Variants in RNF217 observed in about 807,000 individuals in gnomAD.
RNF217 encodes E3 ubiquitin-protein ligase RNF217.
In RNF217, 31 loss-of-function variants were observed where a neutral mutation model predicts 57.8. The ratio of observed to expected loss-of-function variants is 0.54; its 90% CI spans 0.40 to 0.72. The LOEUF (loss-of-function observed/expected upper bound fraction) is 0.72, where lower values mean the gene tolerates loss of function less well. RNF217 is among the 30% of genes least tolerant of loss of function. The pLI, the probability that RNF217 is intolerant of heterozygous loss-of-function variation, is 0.00. For synonymous variants in RNF217, 313 were observed against 294.0 expected, an observed-to-expected ratio of 1.06 and a Z score of -0.66; for missense variants, 696 against 708.3, an observed-to-expected ratio of 0.98 and a Z score of 0.20.
chr6:125,039,477 T>C (rs1248096143), intron 1 of RNF217, among the ~76,000 whole-genome samples: 1 of 152,138 alleles, frequency 6.6e-6, no homozygotes, highest in African/African-American at 2.4e-5. Context: ...ACAAAGAGAC[T>C]TAGACTCTCA....
chr6:125,030,638 C>T (rs1171284655), intron 1 of RNF217, among the ~76,000 whole-genome samples: 3 of 152,324 alleles, frequency 2.0e-5, no homozygotes, highest in Middle Eastern at 3.4e-3. Flanking sequence ...ATCCAGGTCA[C>T]GCTGATGCAA....
chr6:124,978,428 AG>A (rs1312238340), intron 1 of RNF217, among the ~76,000 whole-genome samples: 1 of 151,120 alleles, frequency 6.6e-6, no homozygotes, highest in Non-Finnish European at 1.5e-5. Context: ...CTTGGGTGCC[AG>A]CAACTAGATG....
chr6:125,058,175 A>T, intron 3 of RNF217, 69 bp downstream of exon 3: 1 of 1,333,458 alleles, frequency 7.5e-7, no homozygotes, highest in Non-Finnish European at 1.0e-6. Context: ...TATTTACATT[A>T]TTGAAGGGAA....
chr6:125,073,723 A>G (rs1264687505), intron 3 of RNF217, among the ~76,000 whole-genome samples: 2 of 152,068 alleles, frequency 1.3e-5, no homozygotes, highest in Non-Finnish European at 2.9e-5. Context: ...CCATATGAAG[A>G]AGTAAGAAAG....
Position 125,072,115 on chromosome 6 carries a change from A to G in RNF217, c.1282-4542A>G, listed in dbSNP as rs76384386. Among the ~76,000 whole-genome samples the G allele has an allele frequency of 2.8e-3, 428 of 152,332 alleles. 1 individual carries two copies. Among genetic ancestry groups the G allele is most frequent in the Middle Eastern group, 0.01 (3 of 292 alleles). ...AGGTGTACTTGGGGAATTCATCAGC[A>G]TAAGAAATGTATTATCCCCTGGTAG... is the stretch of plus-strand genomic sequence containing the variant. On this transcript the variant is annotated intron_variant, in intron 3 of 5. Coordinates refer to ENST00000521654, the MANE Select transcript of RNF217 (RefSeq NM_001286398.3).
intron 3 of RNF217, among the ~76,000 whole-genome samples, chr6:125,068,043 A>T (rs1788001771): frequency 6.6e-6 from 1 of 152,160 alleles, no homozygotes; most frequent in African/African-American, 2.4e-5. Flanking sequence ...TATTTTGCAG[A>T]TGGGGGTCAT....
chr6:125,024,058 G>T (rs971353831), intron 1 of RNF217, among the ~76,000 whole-genome samples: 7 of 152,162 alleles, frequency 4.6e-5, no homozygotes, highest in African/African-American at 1.7e-4. Flanking sequence ...AAATTGCCAA[G>T]AGAGTAGATT....
intron 5 of RNF217, 43 bp downstream of exon 5, chr6:125,081,550 G>T (rs183896293): frequency 1.4e-6 from 2 of 1,460,600 alleles, no homozygotes; most frequent in Non-Finnish European, 1.9e-6. Context: ...TTATCTGAGG[G>T]CCATAGAGAG....
intron 2 of RNF217, among the ~76,000 whole-genome samples, chr6:125,051,205 C>G (rs1459244192): frequency 6.6e-6 from 1 of 151,892 alleles, no homozygotes; most frequent in Admixed American, 6.6e-5. Context: ...AAAAAACAAA[C>G]TATAGTAATA....
chr6:125,087,422 A>T lies in RNF217; in HGVS notation c.*4485A>T, dbSNP rs1228853092. 1 of 152,140 alleles carries T rather than the reference A, an allele frequency of 6.6e-6. No individual in the cohort carries two copies. The highest frequency in any genetic ancestry group is 6.6e-5 in the Admixed American group (1 of 15,256). 9.4% of individuals were successfully genotyped at this position (152,140 alleles called of 1,614,324 possible). On this transcript the variant is annotated 3_prime_UTR_variant, in exon 6 of 6. Transcript: ENST00000521654. ...GCTGAAATCTCTCCCAACTATTGAG[A>T]GTGATCTTTCCCATGGTCTGCTTTA...
At chr6:125,045,118 G>A (rs1264590097) in intron 1 of RNF217, 93 bp from the exon 2 acceptor site, 3 of 740,266 alleles carry the variant, frequency 4.1e-6, no homozygotes, top group Non-Finnish European at 6.8e-6. Flanking sequence ...CTTTATTGCG[G>A]TCATGAAATA....
intron 4 of RNF217, among the ~76,000 whole-genome samples, chr6:125,079,041 A>AT (rs1788476561): frequency 6.6e-6 from 1 of 152,104 alleles, no homozygotes; most frequent in Non-Finnish European, 1.5e-5. Flanking sequence ...ATACAGCCTC[A>AT]TGTGGTCCTT....
intron 3 of RNF217, among the ~76,000 whole-genome samples, chr6:125,070,710 A>G (rs781556509): frequency 6.6e-5 from 10 of 152,084 alleles, no homozygotes; most frequent in Non-Finnish European, 1.2e-4. Context: ...GTTTCAGGAA[A>G]TTTTTTTAAA....
chr6:125,019,971 C>T (rs529876263), intron 1 of RNF217, among the ~76,000 whole-genome samples: 14 of 152,182 alleles, frequency 9.2e-5, no homozygotes, highest in East Asian at 3.9e-4. Context: ...TAACCCTGGG[C>T]GAGGGACTCC....
chr6:125,056,815 T>C (rs941734458), intron 2 of RNF217, among the ~76,000 whole-genome samples: 4 of 152,182 alleles, frequency 2.6e-5, no homozygotes, highest in Admixed American at 6.5e-5. Flanking sequence ...TATACCCATA[T>C]GCTTTTAGAG....
chr6:125,032,818 G>C (rs892800616), intron 1 of RNF217, among the ~76,000 whole-genome samples: 6 of 152,140 alleles, frequency 3.9e-5, no homozygotes, highest in Non-Finnish European at 8.8e-5. Context: ...GGGAAGAAAA[G>C]TTTAAGTAAT....
At chr6:125,058,322 A>C (rs1787601749) in intron 3 of RNF217, among the ~76,000 whole-genome samples, 1 of 152,158 alleles carries the variant, frequency 6.6e-6, no homozygotes, top group Non-Finnish European at 1.5e-5. Context: ...AAATTTAAGG[A>C]GGCCACATAT....
chr6:125,037,348 T>A (rs1786679985), intron 1 of RNF217, among the ~76,000 whole-genome samples: 1 of 152,198 alleles, frequency 6.6e-6, no homozygotes, highest in African/African-American at 2.4e-5. Context: ...AGCAAGGCAC[T>A]TGAGGCTGAA....
intron 1 of RNF217, among the ~76,000 whole-genome samples, chr6:124,992,382 GT>G (rs1784592190): frequency 6.6e-6 from 1 of 152,014 alleles, no homozygotes; most frequent in African/African-American, 2.4e-5. Flanking sequence ...ATAAATAATA[GT>G]CAAGCAGGAG....
Sources: allele counts gnomAD v4.1 joint callset (sites outside exome capture counted in the v4.1 genomes callset), GRCh38; gene constraint gnomAD v4.1.1; transcripts MANE v1.5; gene names NCBI Gene and HGNC (gene_info 2026-07-23, HGNC 2026-07-21).